GFRA1: variants seen among roughly 807,000 people sequenced by gnomAD.
GFRA1 encodes GDNF family receptor alpha-1.
Under a neutral mutation model 51.6 loss-of-function variants are expected in GFRA1, and 16 were observed. The ratio of observed to expected loss-of-function variants is 0.31; its 90% CI spans 0.21 to 0.47. The LOEUF (loss-of-function observed/expected upper bound fraction) is 0.47, where lower values mean the gene tolerates loss of function less well. Ranked by LOEUF, GFRA1 falls within the 20% of genes least tolerant of loss-of-function variation. The probability of loss-of-function intolerance (pLI) is 1.00; values close to 1 mark genes in which losing one functional copy is unlikely to be tolerated. For synonymous variants in GFRA1, 270 were observed against 241.3 expected (o/e 1.12, Z -1.10); for missense variants, 530 against 594.3 (o/e 0.89, Z 1.13).
At chr10:116,253,957 T>G (rs550109899) in intron 4 of GFRA1, among the ~76,000 whole-genome samples, 3 of 152,142 alleles carry the variant, frequency 2.0e-5, no homozygotes, top group African/African-American at 7.2e-5. Flanking sequence ...TTTCCTCTTA[T>G]GCAAAATGTG....
intron 5 of GFRA1, among the ~76,000 whole-genome samples, chr10:116,131,904 G>GAA (rs71010066): frequency 0.012 from 1,156 of 100,158 alleles, 27 homozygotes; most frequent in African/African-American, 0.042. Context: ...ATCTCAAAAG[G>GAA]AAAAAAAAAA....
intron 4 of GFRA1, among the ~76,000 whole-genome samples, chr10:116,265,317 A>T (rs773739042): frequency 3.3e-5 from 5 of 152,116 alleles, no homozygotes; most frequent in Non-Finnish European, 7.4e-5. Flanking sequence ...TATCCACTTG[A>T]TTCTTGCATG....
At chr10:116,188,133 G>A (rs1962902858) in intron 5 of GFRA1, among the ~76,000 whole-genome samples, 1 of 152,136 alleles carries the variant, frequency 6.6e-6, no homozygotes, top group South Asian at 2.1e-4. Flanking sequence ...GCCAGTAGAA[G>A]AGGGAAGCGG....
chr10:116,193,425 G>A (rs1589859665), intron 5 of GFRA1, among the ~76,000 whole-genome samples: 1 of 152,262 alleles, frequency 6.6e-6, no homozygotes, highest in Non-Finnish European at 1.5e-5. Context: ...GAGATGAGGT[G>A]AACAAAACCA....
chr10:116,111,025 G>A lies in GFRA1; in HGVS notation c.770+14196C>T, dbSNP rs1957189080. 2.0e-5 allele frequency among the ~76,000 whole-genome samples: 3 copies of A among 152,160 alleles called. No individual in the cohort carries two copies. In the South Asian group the frequency reaches 6.2e-4, roughly 32 times the overall value. ...TCCTAGCTCCACCGCAGGCACTGAG[G>A]ATAGACCCTGTCCATCCCACGTTCC... On this transcript the variant is annotated intron_variant, in intron 6 of 10. Transcript: ENST00000355422.
chr10:116,065,513 C>G (rs1466270448), intron 10 of GFRA1, 60 bp downstream of exon 10: 6 of 1,372,634 alleles, frequency 4.4e-6, no homozygotes, highest in Non-Finnish European at 5.2e-6. Flanking sequence ...ACCCTGCCCC[C>G]AGGGGCCCAA....
At chr10:116,090,494 A>T (rs886370080) in intron 8 of GFRA1, among the ~76,000 whole-genome samples, 2 of 151,504 alleles carry the variant, frequency 1.3e-5, no homozygotes, top group African/African-American at 4.8e-5. Flanking sequence ...AAATTTAAGT[A>T]AGATTATTTT....
chr10:116,203,352 C>A (rs1333180746), intron 5 of GFRA1, among the ~76,000 whole-genome samples: 1 of 152,152 alleles, frequency 6.6e-6, no homozygotes, highest in Non-Finnish European at 1.5e-5. Flanking sequence ...GTTCAAGCAG[C>A]CCCCACTCTC....
intron 9 of GFRA1, 101 bp downstream of exon 9, chr10:116,089,640 C>T (rs1056776588): frequency 6.4e-5 from 63 of 982,610 alleles, no homozygotes; most frequent in Middle Eastern, 3.0e-4. Context: ...GAGCAGCATT[C>T]GTCATCTCTC....
chr10:116,102,972 A>G (rs921464003), intron 6 of GFRA1, among the ~76,000 whole-genome samples: 6 of 152,186 alleles, frequency 3.9e-5, no homozygotes, highest in Admixed American at 1.3e-4. Flanking sequence ...CAAACCATTT[A>G]GTTTCTGAAA....
chr10:116,229,150 A>G (rs766769228), intron 4 of GFRA1, among the ~76,000 whole-genome samples: 3 of 152,086 alleles, frequency 2.0e-5, no homozygotes, highest in Admixed American at 6.6e-5. Context: ...AGAACTATAC[A>G]CTAATAAATT....
chr10:116,188,792 A>G (rs1962973746), intron 5 of GFRA1, among the ~76,000 whole-genome samples: 3 of 151,560 alleles, frequency 2.0e-5, no homozygotes, highest in Admixed American at 1.3e-4. Context: ...TCCCAGCTAC[A>G]TGGAGGCTGA....
chr10:116,078,746 C>T (rs929225496), intron 9 of GFRA1, among the ~76,000 whole-genome samples: 13 of 152,144 alleles, frequency 8.5e-5, no homozygotes, highest in African/African-American at 2.7e-4. Flanking sequence ...CAGTCTGTAT[C>T]ACACAGAGAC....
At chr10:116,230,798 A>G (rs1224323412) in intron 4 of GFRA1, among the ~76,000 whole-genome samples, 2 of 152,172 alleles carry the variant, frequency 1.3e-5, no homozygotes, top group African/African-American at 4.8e-5. Flanking sequence ...ATCAGTGAGT[A>G]AACTGTTATG....
At chr10:116,069,376 G>A (rs1316926847) in intron 9 of GFRA1, among the ~76,000 whole-genome samples, 1 of 152,148 alleles carries the variant, frequency 6.6e-6, no homozygotes, top group Non-Finnish European at 1.5e-5. Context: ...CTGAAATATA[G>A]TACCTTGAGG....
intron 5 of GFRA1, among the ~76,000 whole-genome samples, chr10:116,164,869 A>C (rs1176284782): frequency 6.6e-6 from 1 of 152,164 alleles, no homozygotes; most frequent in Non-Finnish European, 1.5e-5. Context: ...AGGTCACTGC[A>C]AAGTATCACA....
chr10:116,110,804 G>A (rs1039964727), intron 6 of GFRA1, among the ~76,000 whole-genome samples: 4 of 152,176 alleles, frequency 2.6e-5, no homozygotes, highest in Non-Finnish European at 5.9e-5. Flanking sequence ...AGGAGAAGGT[G>A]CAGTCCCTTT....
intron 4 of GFRA1, among the ~76,000 whole-genome samples, chr10:116,225,462 G>A (rs1294512651): frequency 6.7e-6 from 1 of 148,492 alleles, no homozygotes; most frequent in Non-Finnish European, 1.5e-5. Context: ...TTGAACCTGG[G>A]AGGGTGAGGT....
rs1955068571 is a variant in GFRA1 at position 116,065,610 on chromosome 10, G to T, written c.1214C>A (p.Ser405Tyr). ...GAGGTGTGTATTGCCCGACACATTG[G>T]ATTTCAGCTTCTGTGCCTGGAGAGG... ...CANLQAQKLK[S>Y]NVSGNTHLCI... Residue 405 changes from serine (S) to tyrosine (Y), a missense_variant, in exon 10 of 11, where the codon TCC becomes TAC. Physicochemically the swap from Ser to Tyr is moderately radical, Grantham distance 144. Coordinates refer to ENST00000355422, the MANE Select transcript of GFRA1 (RefSeq NM_005264.8). 2 of 1,613,284 alleles carry T rather than the reference G, an allele frequency of 1.2e-6. No individual in the cohort carries two copies. The highest frequency in any genetic ancestry group is 2.7e-5 in the African/African-American group (2 of 74,884).
Sources: allele counts gnomAD v4.1 joint callset (sites outside exome capture counted in the v4.1 genomes callset), GRCh38; gene constraint gnomAD v4.1.1; transcripts MANE v1.5; gene names NCBI Gene and HGNC (gene_info 2026-07-23, HGNC 2026-07-21).